Variants in NKD1 observed in about 807,000 individuals in gnomAD.
The protein encoded by NKD1 is protein naked cuticle homolog 1.
A neutral mutation model predicts 56.0 loss-of-function variants in NKD1; 21 were observed. The observed-to-expected ratio is 0.38, with a 90% CI of 0.27 to 0.54. The LOEUF is 0.54. NKD1 is among the 20% of genes least tolerant of loss of function. The pLI, the probability that NKD1 is intolerant of heterozygous loss-of-function variation, is 0.82. For synonymous variants in NKD1, 263 were observed against 265.7 expected (o/e 0.99, Z 0.10); for missense variants, 578 against 642.7 (o/e 0.90, Z 1.09).
intron 4 of NKD1, among the ~76,000 whole-genome samples, chr16:50,617,097 C>T (rs1596746834): frequency 6.6e-6 from 1 of 152,190 alleles, no homozygotes; most frequent in Admixed American, 6.5e-5. Context: ...CTGTGCCATC[C>T]TGCTCCCTGG....
intron 3 of NKD1, chr16:50,607,385 T>C (rs540147011): frequency 3.1e-5 from 5 of 161,528 alleles, no homozygotes; most frequent in Middle Eastern, 3.3e-3. Flanking sequence ...GGTTTTGTTT[T>C]TGTTTTTGTT....
intron 3 of NKD1, among the ~76,000 whole-genome samples, chr16:50,602,842 C>T (rs982513542): frequency 6.6e-6 from 1 of 152,228 alleles, no homozygotes; most frequent in African/African-American, 2.4e-5. Context: ...GTGTGGCACT[C>T]CTCTGCAGAG....
intron 3 of NKD1, chr16:50,570,966 G>C (rs1960869727): frequency 1.0e-6 from 1 of 985,448 alleles, no homozygotes; most frequent in Non-Finnish European, 1.2e-6. Context: ...CTGAGGGCTG[G>C]CTGGTGGTAT....
In NKD1 at chr16:50,647,419, G is replaced by A. The variant is rs185503291; in HGVS notation, c.*13638G>A. 1 of 152,326 alleles carries A rather than the reference G, an allele frequency of 6.6e-6. No individual in the cohort carries two copies. The highest frequency in any genetic ancestry group is 1.9e-4 in the East Asian group (1 of 5,186). The allele number at this position is 152,326 out of a possible 1,614,324, so 9.4% of individuals were successfully genotyped here. A position where few individuals can be genotyped will look rare whatever the true frequency, so the allele number is the denominator to read the frequency against. On this transcript the variant is annotated 3_prime_UTR_variant, in exon 10 of 10. Transcript: ENST00000268459. ...GCAAGCACTTATACATGACCTGGCA[G>A]CCACCCAGCATCTGTACTTTAGTTA...
intron 3 of NKD1, chr16:50,558,521 G>C (rs760896789): frequency 1.3e-5 from 2 of 152,202 alleles, no homozygotes; most frequent in African/African-American, 2.4e-5. Flanking sequence ...CCAAGCAAAG[G>C]CTCATTGCCA....
intron 3 of NKD1, among the ~76,000 whole-genome samples, chr16:50,599,059 C>T (rs1465350093): frequency 1.3e-5 from 2 of 152,054 alleles, no homozygotes; most frequent in Non-Finnish European, 2.9e-5. Context: ...GCGCTGAGTG[C>T]ACTCTCTCTG....
chr16:50,573,990 A>T, intron 3 of NKD1: 1 of 964,114 alleles, frequency 1.0e-6, no homozygotes, highest in Non-Finnish European at 1.2e-6. Flanking sequence ...TATATAATGC[A>T]TGTGTGTCTA....
chr16:50,630,084 C>T (rs574983310), intron 6 of NKD1, 102 bp from the exon 7 acceptor site: 2 of 1,086,508 alleles, frequency 1.8e-6, no homozygotes, highest in African/African-American at 1.6e-5. Context: ...TTGGGGCAGC[C>T]AGAGGGGTTC....
At chr16:50,628,715 A>G (rs1453861405) in intron 6 of NKD1, among the ~76,000 whole-genome samples, 3 of 152,210 alleles carry the variant, frequency 2.0e-5, no homozygotes, top group African/African-American at 4.8e-5. Flanking sequence ...GATTTGGTCA[A>G]GTTCTCACAA....
chr16:50,609,977 C>T (rs1961807562), intron 4 of NKD1, among the ~76,000 whole-genome samples: 1 of 152,154 alleles, frequency 6.6e-6, no homozygotes, highest in Non-Finnish European at 1.5e-5. Flanking sequence ...ATAACCATAG[C>T]TCTTTCCAAA....
chr16:50,561,141 G>C (rs748370362), intron 3 of NKD1, among the ~76,000 whole-genome samples: 2 of 152,170 alleles, frequency 1.3e-5, no homozygotes, highest in Admixed American at 6.5e-5. Context: ...AGGGAATGAA[G>C]AGGATGAGCA....
At chr16:50,609,280 AG>A (rs1439401109) in intron 4 of NKD1, among the ~76,000 whole-genome samples, 1 of 152,264 alleles carries the variant, frequency 6.6e-6, no homozygotes, top group African/African-American at 2.4e-5. Context: ...AATGGGAACA[AG>A]GGCCTTTGCC....
At chr16:50,548,616 C>A in intron 1 of NKD1, 38 bp downstream of exon 1, 1 of 1,444,358 alleles carries the variant, frequency 6.9e-7, no homozygotes, top group South Asian at 1.4e-5. Flanking sequence ...CCGGGCCCCG[C>A]CGCCGTCGCC....
intron 3 of NKD1, among the ~76,000 whole-genome samples, chr16:50,561,396 A>AG (rs1259186029): frequency 6.6e-6 from 1 of 150,926 alleles, no homozygotes; most frequent in African/African-American, 2.4e-5. Context: ...ACTGCTGTAA[A>AG]AAAAAAAAAA....
rs1182386501 is a variant in NKD1 at position 50,623,743 on chromosome 16, G to A, written c.367-1742G>A. On this transcript the variant is annotated intron_variant, in intron 5 of 9. Coordinates refer to ENST00000268459, the MANE Select transcript of NKD1 (RefSeq NM_033119.5). The surrounding 1 kb of genome is among the most constrained non-coding windows in gnomAD (Gnocchi z 4.1). ...GTAAGTGCTGTGTGTGTGTGTGTGT[G>A]TGTGTGTGTGTGTGTGTGTGTACAC... Among the ~76,000 whole-genome samples, 1 of 151,920 alleles carries A rather than the reference G, an allele frequency of 6.6e-6. No homozygotes were observed. Among genetic ancestry groups the A allele is most frequent in the Admixed American group, 6.6e-5 (1 of 15,264 alleles).
intron 3 of NKD1, chr16:50,572,877 A>T: frequency 1.0e-6 from 1 of 984,982 alleles, no homozygotes; most frequent in Non-Finnish European, 1.2e-6. Flanking sequence ...AGCCAACAGG[A>T]TCATGAGGTC....
chr16:50,579,949 G>A (rs1961080964), intron 3 of NKD1, among the ~76,000 whole-genome samples: 1 of 151,954 alleles, frequency 6.6e-6, no homozygotes, highest in Non-Finnish European at 1.5e-5. Context: ...TGCTACACAT[G>A]CACTCTCTTG....
chr16:50,570,852 C>G, intron 3 of NKD1: 1 of 985,434 alleles, frequency 1.0e-6, no homozygotes, highest in Non-Finnish European at 1.2e-6. Flanking sequence ...AACATCTGTA[C>G]AGCACCTTGT....
At chr16:50,617,982 G>A (rs1043440713) in intron 4 of NKD1, among the ~76,000 whole-genome samples, 1 of 152,156 alleles carries the variant, frequency 6.6e-6, no homozygotes, top group Non-Finnish European at 1.5e-5. Flanking sequence ...TGCTGTCACA[G>A]AGTGAAAGAA....
Sources: gnomAD v4.1 joint callset for allele counts (sites outside exome capture counted in the v4.1 genomes callset) on GRCh38, gnomAD v4.1.1 for gene constraint, Gnocchi (gnomAD v3.1) non-coding constraint, MANE v1.5 for transcripts, NCBI Gene and HGNC (gene_info 2026-07-23, HGNC 2026-07-21) for gene names.